ARHGAP36: variants seen among roughly 807,000 people sequenced by gnomAD.
ARHGAP36 encodes Rho GTPase activating protein 36.
A neutral mutation model predicts 32.9 loss-of-function variants in ARHGAP36; 7 were observed. That is an observed-to-expected ratio of 0.21 (90% confidence interval 0.12 to 0.40). ARHGAP36 has a LOEUF of 0.40. Ranked by LOEUF, ARHGAP36 falls within the 10% of genes least tolerant of loss-of-function variation. The probability of loss-of-function intolerance (pLI) is 1.00; values close to 1 mark genes in which losing one functional copy is unlikely to be tolerated. For synonymous variants in ARHGAP36, 165 were observed against 168.3 expected (o/e 0.98, Z 0.15); for missense variants, 383 against 442.2 (o/e 0.87, Z 1.20).
chrX:131,081,590 C>A lies in ARHGAP36; in HGVS notation c.-76C>A. ...CTCCCAGTTTTCCCTCCCCCTCTAC[C>A]CCCACCCCCATAGTTCTCTCCACCA... On this transcript the variant is annotated 5_prime_UTR_variant, in exon 2 of 12. Coordinates refer to ENST00000276211, the MANE Select transcript of ARHGAP36 (RefSeq NM_144967.4). The A allele has an allele frequency of 8.9e-7, 1 of 1,125,088 alleles. No individual in the cohort carries two copies. The highest frequency in any genetic ancestry group is 1.2e-6 in the Non-Finnish European group (1 of 848,887). The allele number at this position is 1,125,088 out of a possible 1,213,427, so 92.7% of individuals were successfully genotyped here.
intron 1 of ARHGAP36, among the ~76,000 whole-genome samples, chrX:131,059,596 G>A (rs1350202153): frequency 2.7e-5 from 3 of 111,855 alleles, no homozygotes; most frequent in South Asian, 3.8e-4. Context: ...CCAGGAGTTT[G>A]ACCTCCTGCT....
At position 131,084,394 on chromosome X, in the gene ARHGAP36, C is replaced by T; in HGVS notation, c.735C>T (p.Phe245=). 1 of 1,205,465 alleles carries T rather than the reference C, an allele frequency of 8.3e-7. No individual in the cohort carries two copies. The highest frequency in any genetic ancestry group is 1.1e-6 in the Non-Finnish European group (1 of 892,877). The stretch of plus-strand genomic sequence containing the variant: ...AGGTTGTTGAGGCTTGCTGCCAATT[C>T]ATTGAAAAACATGGTAAGGGAGCTG... The part of the protein sequence containing the change: ...IPQVVEACCQ[F]IEKHGLSAVG... Residue 245 remains phenylalanine, a synonymous_variant, in exon 5 of 12, where the codon TTC becomes TTT. Coordinates refer to ENST00000276211, the MANE Select transcript of ARHGAP36 (RefSeq NM_144967.4).
At chrX:131,079,995 A>G (rs1235260956) in intron 1 of ARHGAP36, among the ~76,000 whole-genome samples, 1 of 111,478 alleles carries the variant, frequency 9.0e-6, no homozygotes, top group Non-Finnish European at 1.9e-5. Context: ...ACCTACTTCC[A>G]GCTCTCTACC....
chrX:131,076,511 C>T (rs756413575), intron 1 of ARHGAP36, among the ~76,000 whole-genome samples: 8 of 112,443 alleles, frequency 7.1e-5, no homozygotes, highest in Non-Finnish European at 1.3e-4. Context: ...CATGGAATGA[C>T]GACTGTACTT....
At chrX:131,083,317 G>A (rs776835384) in intron 3 of ARHGAP36, 87 bp downstream of exon 3, 76 of 934,249 alleles carry the variant, frequency 8.1e-5, no homozygotes, top group Non-Finnish European at 1.1e-4. Context: ...AGACTGGGTG[G>A]CGTCCACTGT....
intron 1 of ARHGAP36, among the ~76,000 whole-genome samples, chrX:131,072,316 G>A (rs1237087534): frequency 8.9e-6 from 1 of 111,982 alleles, no homozygotes; most frequent in Non-Finnish European, 1.9e-5. Context: ...TGGAAGACCA[G>A]AGGCCCTAGA....
rs745986109 is a variant in ARHGAP36, at chrX:131,081,507, T to C, written c.-142-17T>C. On this transcript the variant is annotated splice_polypyrimidine_tract_variant and intron_variant, in intron 1 of 11. Coordinates refer to ENST00000276211, the MANE Select transcript of ARHGAP36 (RefSeq NM_144967.4). ...AGGGCTGAATTTTTGAAGTTGGATT[T>C]TTTTTTTCTTTTTTAGCAAAAACAA... 2 of 1,041,185 alleles carry C rather than the reference T, an allele frequency of 1.9e-6. No individual in the cohort carries two copies. The highest frequency in any genetic ancestry group is 4.4e-5 in the Admixed American group (1 of 22,953). 85.8% of individuals were successfully genotyped at this position (1,041,185 alleles called of 1,213,427 possible).
chrX:131,075,788 C>A (rs1260481804), intron 1 of ARHGAP36, among the ~76,000 whole-genome samples: 1 of 111,005 alleles, frequency 9.0e-6, no homozygotes, highest in Admixed American at 9.6e-5. Flanking sequence ...CAGTTCCAGG[C>A]AGCAGATGTT....
At chrX:131,064,363 G>A (rs1293854799) in intron 1 of ARHGAP36, among the ~76,000 whole-genome samples, 3 of 111,716 alleles carry the variant, frequency 2.7e-5, no homozygotes. Context: ...CCTAAAAGAA[G>A]AGGGACTATT....
At chrX:131,079,537 G>GTTTGTTT (rs373550484) in intron 1 of ARHGAP36, among the ~76,000 whole-genome samples, 7 of 94,854 alleles carry the variant, frequency 7.4e-5, no homozygotes, top group East Asian at 3.1e-4. Flanking sequence ...TTATTTGTTT[G>GTTTGTTT]TTTGTTTTTT....
At position 131,088,826 on chromosome X, in the gene ARHGAP36, T is replaced by G. The variant is rs753782665; in HGVS notation, c.*41T>G. On this transcript the variant is annotated 3_prime_UTR_variant, in exon 12 of 12. Transcript: ENST00000276211. ...TAAGGTGCCAGACAGGGGAAAAGGG[T>G]GGGGGTACATCTGGGATGTCACAGG... The G allele has an allele frequency of 3.4e-6, 4 of 1,169,377 alleles. No homozygotes were observed. Among genetic ancestry groups the G allele is most frequent in the Non-Finnish European group, 4.6e-6 (4 of 876,639 alleles).
chrX:131,067,327 T>TCTTTCCAGCTTA (rs2079704084), intron 1 of ARHGAP36, among the ~76,000 whole-genome samples: 1 of 112,445 alleles, frequency 8.9e-6, no homozygotes, highest in Non-Finnish European at 1.9e-5. Context: ...AGACCAAGAA[T>TCTTTCCAGCTTA]CTTTCCAGCT....
chrX:131,081,380 C>A, intron 1 of ARHGAP36, 144 bp from the exon 2 acceptor site: 1 of 415,750 alleles, frequency 2.4e-6, no homozygotes, highest in Non-Finnish European at 3.4e-6. Flanking sequence ...TTTCAAAGTG[C>A]TTTTGTTAAA....
intron 1 of ARHGAP36, among the ~76,000 whole-genome samples, chrX:131,075,909 C>T (rs111373201): frequency 3.6e-5 from 4 of 111,320 alleles, no homozygotes; most frequent in African/African-American, 1.3e-4. Flanking sequence ...CATTTTTGTG[C>T]AACTTTAGAT....
chrX:131,068,840 A>C (rs2079716642), intron 1 of ARHGAP36, among the ~76,000 whole-genome samples: 1 of 111,487 alleles, frequency 9.0e-6, no homozygotes, highest in Non-Finnish European at 1.9e-5. Flanking sequence ...ACTCTTTCTC[A>C]AAGCATCACA....
At position 131,084,768 on chromosome X, in the gene ARHGAP36, G is replaced by T. The variant is rs752848208; in HGVS notation, c.804+87G>T. ...TTCCCCATAGACCTGACTACCTGGT[G>T]GGGGGAGGAGCAGGGTCTTCTTTGT... is the stretch of plus-strand genomic sequence containing the variant. On this transcript the variant is annotated intron_variant, in intron 6 of 11. Transcript: ENST00000276211. 2.1e-5 allele frequency: 24 copies of T among 1,162,853 alleles called. No homozygotes were observed. The East Asian group carries it at 2.7e-4, about 13-fold the overall frequency.
intron 11 of ARHGAP36, 133 bp from the exon 12 acceptor site, chrX:131,088,495 G>A (rs758143704): frequency 5.1e-6 from 3 of 582,571 alleles, no homozygotes; most frequent in Admixed American, 4.0e-5. Flanking sequence ...TGTCAAATGG[G>A]GATAATCATC....
intron 1 of ARHGAP36, among the ~76,000 whole-genome samples, chrX:131,069,641 C>T (rs527760811): frequency 1.8e-5 from 2 of 111,531 alleles, no homozygotes; most frequent in African/African-American, 6.5e-5. Flanking sequence ...ACACAGAGGA[C>T]GGGCAGGAGT....
rs2079853786 is a variant in ARHGAP36, at chrX:131,089,196, C to T, written c.*411C>T. 7.9e-6 allele frequency: 1 copy of T among 126,277 alleles called. No homozygotes were observed. Among genetic ancestry groups the T allele is most frequent in the African/African-American group, 3.2e-5 (1 of 31,132 alleles). 10.4% of individuals were successfully genotyped at this position (126,277 alleles called of 1,213,427 possible). On this transcript the variant is annotated 3_prime_UTR_variant, in exon 12 of 12. Transcript: ENST00000276211. ...TGCATGATTTCCCTGACTTTCCTAC[C>T]CTCCTCCAGAGAGCTCAGTTGGAAA...
Sources: gnomAD v4.1 joint callset for allele counts (sites outside exome capture counted in the v4.1 genomes callset) on GRCh38, gnomAD v4.1.1 for gene constraint, MANE v1.5 for transcripts, NCBI Gene and HGNC (gene_info 2026-07-23, HGNC 2026-07-21) for gene names.